The following DPP6 variants were observed in gnomAD, a reference collection of about 807,000 sequenced individuals.
The protein encoded by DPP6 is dipeptidyl peptidase like 6, also known as A-type potassium channel modulatory protein DPP6.
Under a neutral mutation model 122.6 loss-of-function variants are expected in DPP6, and 69 were observed. The ratio of observed to expected loss-of-function variants is 0.56; its 90% confidence interval spans 0.46 to 0.69. DPP6 has a LOEUF of 0.69. DPP6 is among the 30% of genes least tolerant of loss of function. The probability of loss-of-function intolerance (pLI) is 0.00; values close to 1 mark genes in which losing one functional copy is unlikely to be tolerated. For missense variants in DPP6, 928 were observed against 1,116.9 expected, an observed-to-expected ratio of 0.83 and a Z score of 2.41; for synonymous variants, 418 against 433.1, an observed-to-expected ratio of 0.97 and a Z score of 0.43.
rs28440792 is a variant in DPP6 at position 153,964,969 on chromosome 7, A to C, written c.51+77235A>C. ...CTTTCTTTCTCTCTTTCTTTCTTTC[A>C]TTTCTTTTCCCTTCCTTCCTTCCTT... is the stretch of plus-strand genomic sequence containing the variant. On this transcript the variant is annotated intron_variant, in intron 1 of 25. Coordinates refer to the DPP6 transcript ENST00000404039. Among the ~76,000 whole-genome samples, 23 of 40,220 alleles carry C rather than the reference A, an allele frequency of 5.7e-4. 1 individual carries two copies. Among genetic ancestry groups the C allele is most frequent in the East Asian group, 1.1e-3 (2 of 1,840 alleles). The allele number at this position is 40,220 out of a possible 152,430, so 26.4% of individuals were successfully genotyped here.
intron 1 of DPP6, among the ~76,000 whole-genome samples, chr7:153,979,753 AG>A (rs1796487190): frequency 6.6e-6 from 1 of 152,172 alleles, no homozygotes. Flanking sequence ...TTTTAGCATG[AG>A]GGGGTGTTGA....
At chr7:154,474,825 C>G in intron 2 of DPP6, 114 bp from the exon 3 acceptor site, 1 of 745,530 alleles carries the variant, frequency 1.3e-6, no homozygotes, top group Non-Finnish European at 2.2e-6. Context: ...CACTTATGGA[C>G]GTCATGTGTG....
chr7:154,244,703 G>T (rs1340035653), intron 1 of DPP6, among the ~76,000 whole-genome samples: 2 of 151,758 alleles, frequency 1.3e-5, no homozygotes, highest in Non-Finnish European at 2.9e-5. Flanking sequence ...AATGCAAAGA[G>T]GTATATCTAA....
chr7:154,645,256 G>A (rs113487781), intron 6 of DPP6, among the ~76,000 whole-genome samples: 18,622 of 147,300 alleles, frequency 0.13, 1,196 homozygotes, highest in African/African-American at 0.18. Context: ...TAGTAGAGAC[G>A]GGGTTTCACC....
At chr7:154,063,009 C>T (rs1276078694) in intron 1 of DPP6, among the ~76,000 whole-genome samples, 3 of 136,512 alleles carry the variant, frequency 2.2e-5, no homozygotes, top group African/African-American at 5.3e-5. Flanking sequence ...CCTCTTCCCC[C>T]CCTGGCTCTG....
chr7:153,806,964 G>A, the DPP6 span, among the ~76,000 whole-genome samples: 1 of 152,092 alleles, frequency 6.6e-6, no homozygotes, highest in East Asian at 1.9e-4. Context: ...TTAACTGAAG[G>A]ACCCCTCCGG....
chr7:154,270,351 A>C (rs1039225877), intron 1 of DPP6, among the ~76,000 whole-genome samples: 16 of 152,224 alleles, frequency 1.1e-4, no homozygotes, highest in African/African-American at 3.6e-4. Context: ...TGAACTGATA[A>C]TATAGAAAAA....
intron 7 of DPP6, among the ~76,000 whole-genome samples, chr7:154,681,879 G>A (rs1043660507): frequency 6.6e-6 from 1 of 152,106 alleles, no homozygotes. Context: ...CAACTATTTT[G>A]CTTTTGAATA....
At chr7:154,200,367 A>G (rs1013751633) in intron 1 of DPP6, among the ~76,000 whole-genome samples, 2 of 152,126 alleles carry the variant, frequency 1.3e-5, no homozygotes, top group African/African-American at 4.8e-5. Context: ...CCTTCTCGCT[A>G]TTTTGAAATG....
chr7:154,171,143 G>C (rs1388412937), intron 1 of DPP6, among the ~76,000 whole-genome samples: 2 of 152,244 alleles, frequency 1.3e-5, no homozygotes, highest in Non-Finnish European at 2.9e-5. Context: ...TGGTGATCTT[G>C]GGCTAGCTGC....
intron 8 of DPP6, among the ~76,000 whole-genome samples, chr7:154,756,975 C>T (rs1477461613): frequency 1.3e-5 from 2 of 151,862 alleles, no homozygotes; most frequent in Non-Finnish European, 2.9e-5. Flanking sequence ...CAAGCCAGCC[C>T]CTTCTCCATC....
chr7:154,590,812 G>C (rs945398362), intron 5 of DPP6, among the ~76,000 whole-genome samples: 4 of 151,776 alleles, frequency 2.6e-5, no homozygotes, highest in African/African-American at 4.8e-5. Flanking sequence ...GAAATTACAG[G>C]CATGAGCCAC....
chr7:154,774,048 T>C (rs1046540508), intron 10 of DPP6, among the ~76,000 whole-genome samples: 2 of 152,176 alleles, frequency 1.3e-5, no homozygotes, highest in Non-Finnish European at 2.9e-5. Flanking sequence ...CCCAAGTGGA[T>C]GGATGAAGCC....
At chr7:154,131,846 A>T (rs1448589947) in intron 1 of DPP6, among the ~76,000 whole-genome samples, 1 of 152,168 alleles carries the variant, frequency 6.6e-6, no homozygotes, top group Non-Finnish European at 1.5e-5. Context: ...AACTCAACAT[A>T]AATTCTAATT....
intron 16 of DPP6, among the ~76,000 whole-genome samples, chr7:154,819,136 T>C (rs1799602429): frequency 6.6e-6 from 1 of 152,200 alleles, no homozygotes; most frequent in African/African-American, 2.4e-5. Flanking sequence ...AATAATGGGC[T>C]GGGCATGGTG....
intron 1 of DPP6, among the ~76,000 whole-genome samples, chr7:154,284,322 A>G (rs569878340): frequency 1.0e-3 from 152 of 152,342 alleles, no homozygotes; most frequent in Non-Finnish European, 1.5e-3. Flanking sequence ...CAAATTAGTT[A>G]TGTTTCTGAA....
intron 5 of DPP6, among the ~76,000 whole-genome samples, chr7:154,604,767 T>G (rs1833531716): frequency 8.3e-6 from 1 of 120,958 alleles, no homozygotes; most frequent in Non-Finnish European, 1.9e-5. Context: ...GTTACCATTT[T>G]CTTGCTAAGT....
intron 1 of DPP6, among the ~76,000 whole-genome samples, chr7:153,993,597 A>T (rs998070651): frequency 1.3e-5 from 2 of 152,180 alleles, no homozygotes; most frequent in African/African-American, 4.8e-5. Flanking sequence ...TCCCCACCCT[A>T]CCCCATACAA....
chr7:154,867,679 C>T (rs1181622550), intron 17 of DPP6, among the ~76,000 whole-genome samples: 1 of 152,166 alleles, frequency 6.6e-6, no homozygotes, highest in Non-Finnish European at 1.5e-5. Context: ...AACCAGCAGT[C>T]ATGGGAAGAA....
Sources: allele counts gnomAD v4.1 joint callset (sites outside exome capture counted in the v4.1 genomes callset), GRCh38; gene constraint gnomAD v4.1.1; transcripts MANE v1.5; gene names NCBI Gene and HGNC (gene_info 2026-07-23, HGNC 2026-07-21).